The following ZNF169 variants were observed in gnomAD, a reference collection of about 807,000 sequenced individuals.
The protein encoded by ZNF169 is zinc finger protein 169.
In ZNF169, 11 loss-of-function variants were observed where a neutral mutation model predicts 12.0. That is an observed-to-expected ratio of 0.92 (90% CI 0.58 to 1.52). The LOEUF (loss-of-function observed/expected upper bound fraction) is 1.52, where lower values mean the gene tolerates loss of function less well. Among genes scored for constraint, ZNF169 ranks in the 40% most tolerant of loss-of-function variants. The probability of loss-of-function intolerance (pLI) is 0.00; values close to 1 mark genes in which losing one functional copy is unlikely to be tolerated. For missense variants in ZNF169, 722 were observed against 744.0 expected (o/e 0.97, Z 0.34); for synonymous variants, 302 against 286.5 (o/e 1.05, Z -0.55).
At chr9:94,281,790 G>A (rs967489078) in intron 2 of ZNF169, among the ~76,000 whole-genome samples, 16 of 152,148 alleles carry the variant, frequency 1.1e-4, no homozygotes, top group African/African-American at 2.9e-4. Flanking sequence ...TCTGGTTGAC[G>A]GTTGAGTTTG....
rs1048451384 is a variant in ZNF169 at position 94,292,647 on chromosome 9, G to A, written c.160+180G>A. Reference sequence around the variant, plus strand: ...TGTGTGTGTGTGTGTGTGTGCGCGTGCACATGCTGTGAGCGTGTGGTGTGT... The same window carrying A: ...TGTGTGTGTGTGTGTGTGTGCGCGTACACATGCTGTGAGCGTGTGGTGTGT... On this transcript the variant is annotated intron_variant, in intron 3 of 4. Coordinates refer to ENST00000395395, the MANE Select transcript of ZNF169 (RefSeq NM_194320.4). 2.0e-5 allele frequency: 16 copies of A among 807,184 alleles called. 1 individual carries two copies. In the South Asian group the frequency reaches 2.6e-4, roughly 13 times the overall value. 50.0% of individuals were successfully genotyped at this position (807,184 alleles called of 1,614,324 possible).
At chr9:94,295,641 T>C (rs1830934761) in intron 4 of ZNF169, 1 of 152,248 alleles carries the variant, frequency 6.6e-6, no homozygotes, top group South Asian at 2.1e-4. Context: ...AGAATTTGTA[T>C]AACTGGATTA....
intron 2 of ZNF169, among the ~76,000 whole-genome samples, chr9:94,290,950 T>G (rs1830816753): frequency 6.6e-6 from 1 of 152,046 alleles, no homozygotes; most frequent in Non-Finnish European, 1.5e-5. Context: ...CTGGTAGTAG[T>G]TATCCTGTTT....
chr9:94,266,104 AAT>A (rs1462753252), intron 1 of ZNF169, among the ~76,000 whole-genome samples: 1 of 141,228 alleles, frequency 7.1e-6, no homozygotes, highest in African/African-American at 2.5e-5. Context: ...AAAAAAAAAA[AAT>A]TCTTAGTTAT....
intron 4 of ZNF169, chr9:94,294,509 A>T (rs868649878): frequency 6.6e-6 from 1 of 152,074 alleles, no homozygotes; most frequent in Non-Finnish European, 1.5e-5. Flanking sequence ...GCCTCAACTT[A>T]TATAAGTTAT....
At chr9:94,295,780 G>A (rs768333903) in intron 4 of ZNF169, 2 of 152,096 alleles carry the variant, frequency 1.3e-5, no homozygotes, top group Non-Finnish European at 2.9e-5. Context: ...TTTTAATACT[G>A]ACCTATTAAA....
In ZNF169 at chr9:94,292,253, T is replaced by G; in HGVS notation, c.34-88T>G. ...CTCACTTGGGTGCTCTAGGACTGCT[T>G]CTTTCTGCCTTGACTGTGGTTAGTG... On this transcript the variant is annotated intron_variant, in intron 2 of 4. Coordinates refer to ENST00000395395, the MANE Select transcript of ZNF169 (RefSeq NM_194320.4). 1.2e-5 allele frequency: 20 copies of G among 1,610,734 alleles called. 1 individual carries two copies. In the South Asian group the frequency reaches 1.9e-4, roughly 15 times the overall value.
In ZNF169 at chr9:94,299,945, C is replaced by G; in HGVS notation, c.387C>G (p.Phe129Leu). 1 of 1,614,118 alleles carries G rather than the reference C, an allele frequency of 6.2e-7. No homozygotes were observed. Among genetic ancestry groups the G allele is most frequent in the Non-Finnish European group, 8.5e-7 (1 of 1,180,030 alleles). ...IFPSSSAGGDFQLEAPRCSSE... is the reference protein window; with the variant it reads ...IFPSSSAGGDLQLEAPRCSSE... ...CAAGCTCATCTGCAGGAGGTGACTT[C>G]CAACTAGAAGCTCCAAGATGCTCTA... The change falls in exon 5 of 5, where the codon TTC becomes TTG. Residue 129 changes from phenylalanine to leucine, a missense_variant. Coordinates refer to ENST00000395395, the MANE Select transcript of ZNF169 (RefSeq NM_194320.4).
At chr9:94,289,525 C>T (rs1169001723) in intron 2 of ZNF169, among the ~76,000 whole-genome samples, 11 of 152,100 alleles carry the variant, frequency 7.2e-5, no homozygotes. Flanking sequence ...CATGGTGGCT[C>T]ACGCCTGTAA....
Position 94,278,706 on chromosome 9 carries a change from G to A in ZNF169, c.-55-52G>A, listed in dbSNP as rs1830566731. 2.1e-5 allele frequency: 22 copies of A among 1,051,338 alleles called. No individual in the cohort carries two copies. In the South Asian group the frequency reaches 2.5e-4, roughly 12 times the overall value. The allele number at this position is 1,051,338 out of a possible 1,614,324, so 65.1% of individuals were successfully genotyped here. On this transcript the variant is annotated intron_variant, in intron 1 of 4. Coordinates refer to ENST00000395395, the MANE Select transcript of ZNF169 (RefSeq NM_194320.4). ...ACTGAATTGGGAGGCTGGACAGAGT[G>A]TGAAGGGTGTTCTTCCCAAGTACCT...
In ZNF169 at chr9:94,288,192, T is replaced by A. The variant is rs183257733; in HGVS notation, c.34-4149T>A. 2.7e-4 allele frequency: 217 copies of A among 806,200 alleles called. No homozygotes were observed. In the Admixed American group the frequency reaches 3.7e-3, roughly 14 times the overall value. The allele number at this position is 806,200 out of a possible 1,614,324, so 49.9% of individuals were successfully genotyped here. ...GTCTCAGCCCAGGTTAATGTGCTCC[T>A]ACTTGTACCCTGTCTTGATTTTAGC... On this transcript the variant is annotated intron_variant, in intron 2 of 4. Transcript: ENST00000395395.
intron 2 of ZNF169, chr9:94,288,503 C>A: frequency 1.5e-6 from 1 of 657,698 alleles, no homozygotes. Context: ...TTGGTGAAGA[C>A]ATCCCTGGCA....
intron 2 of ZNF169, among the ~76,000 whole-genome samples, chr9:94,290,239 A>C (rs1195339487): frequency 6.6e-6 from 1 of 152,224 alleles, no homozygotes; most frequent in Admixed American, 6.5e-5. Context: ...TCTGCAGCTA[A>C]CATTCTTTTT....
chr9:94,268,285 G>A (rs184753218), intron 1 of ZNF169, among the ~76,000 whole-genome samples: 1 of 151,936 alleles, frequency 6.6e-6, no homozygotes, highest in Non-Finnish European at 1.5e-5. Flanking sequence ...TAACTCTGTG[G>A]TACAAAATAA....
chr9:94,288,392 CT>C, intron 2 of ZNF169: 1 of 1,243,912 alleles, frequency 8.0e-7, no homozygotes, highest in South Asian at 1.2e-5. Context: ...CTGCCCGTCA[CT>C]TTGGTATTCT....
At chr9:94,280,691 G>A (rs1209787313) in intron 2 of ZNF169, among the ~76,000 whole-genome samples, 1 of 152,178 alleles carries the variant, frequency 6.6e-6, no homozygotes, top group African/African-American at 2.4e-5. Context: ...CCTGACGCAG[G>A]TAGCCTCACT....
chr9:94,280,924 G>A (rs79299911), intron 2 of ZNF169, among the ~76,000 whole-genome samples: 3,871 of 152,254 alleles, frequency 0.025, 157 homozygotes, highest in African/African-American at 0.088. Flanking sequence ...TAGAACTGGC[G>A]GGAAAGTTGT....
chr9:94,278,687 T>C (rs1006745965), intron 1 of ZNF169, 71 bp from the exon 2 acceptor site: 2 of 826,392 alleles, frequency 2.4e-6, no homozygotes, highest in East Asian at 5.3e-5. Flanking sequence ...CCCTACTGAA[T>C]TGGGAGGCTG....
chr9:94,261,269 C>T (rs998231529), intron 1 of ZNF169, among the ~76,000 whole-genome samples: 13 of 152,066 alleles, frequency 8.5e-5, no homozygotes, highest in Admixed American at 7.9e-4. Flanking sequence ...GTGATCCGCC[C>T]GCCTCGGCCT....
Sources: gnomAD v4.1 joint callset for allele counts (sites outside exome capture counted in the v4.1 genomes callset) on GRCh38, gnomAD v4.1.1 for gene constraint, MANE v1.5 for transcripts, NCBI Gene and HGNC (gene_info 2026-07-23, HGNC 2026-07-21) for gene names.